The following OR13A1 variants were observed in gnomAD, a reference collection of about 807,000 sequenced individuals.
The protein encoded by OR13A1 is olfactory receptor family 13 subfamily A member 1, also known as olfactory receptor 13A1.
Under a neutral mutation model 7.5 loss-of-function variants are expected in OR13A1, and 10 were observed. The ratio of observed to expected loss-of-function variants is 1.34; its 90% confidence interval spans 0.83 to 2.27. The LOEUF (loss-of-function observed/expected upper bound fraction) is 2.27. Among genes scored for constraint, OR13A1 ranks in the 30% most tolerant of loss-of-function variants. The pLI, the probability that OR13A1 is intolerant of heterozygous loss-of-function variation, is 0.00. For synonymous variants in OR13A1, 238 were observed against 177.9 expected, an observed-to-expected ratio of 1.34 and a Z score of -2.69; for missense variants, 509 against 419.1, an observed-to-expected ratio of 1.21 and a Z score of -1.87.
intron 1 of OR13A1, among the ~76,000 whole-genome samples, chr10:45,312,844 G>T (rs939354416): frequency 1.3e-5 from 2 of 152,128 alleles, no homozygotes; most frequent in East Asian, 3.9e-4. Flanking sequence ...AAACATAAAG[G>T]AAAAATCAGC....
intron 3 of OR13A1, among the ~76,000 whole-genome samples, chr10:45,306,221 G>T (rs1384254010): frequency 6.6e-6 from 1 of 152,164 alleles, no homozygotes; most frequent in African/African-American, 2.4e-5. Flanking sequence ...TTGGGAGGCC[G>T]TGGAGGGTGG....
intron 1 of OR13A1, among the ~76,000 whole-genome samples, chr10:45,309,773 A>G (rs1408739018): frequency 6.6e-6 from 1 of 152,190 alleles, no homozygotes; most frequent in East Asian, 1.9e-4. Flanking sequence ...CTAAATATCG[A>G]TGGGTTTACT....
At chr10:45,307,322 A>G (rs569157927) in intron 3 of OR13A1, 104 bp downstream of exon 3, 8 of 152,212 alleles carry the variant, frequency 5.3e-5, no homozygotes, top group Non-Finnish European at 7.3e-5. Flanking sequence ...TAGAAAAACA[A>G]TAGCTCTGCA....
chr10:45,310,951 CA>C (rs1263184953), intron 1 of OR13A1, among the ~76,000 whole-genome samples: 1 of 152,116 alleles, frequency 6.6e-6, no homozygotes, highest in African/African-American at 2.4e-5. Flanking sequence ...TGCAGAACCC[CA>C]AAAGTTCCCA....
downstream of OR13A1, chr10:45,302,484 G>A (rs1838225541): frequency 6.6e-6 from 1 of 152,188 alleles, no homozygotes; most frequent in Non-Finnish European, 1.5e-5. Flanking sequence ...GAGAATACTG[G>A]ATGAAGAACC....
In OR13A1 at chr10:45,303,568, G is replaced by T. The variant is rs189836358; in HGVS notation, c.855C>A (p.Ser285Arg). 1 of 1,613,996 alleles carries T rather than the reference G, an allele frequency of 6.2e-7. No homozygotes were observed. Among genetic ancestry groups the T allele is most frequent in the Non-Finnish European group, 8.5e-7 (1 of 1,180,046 alleles). Reference protein sequence around the residue: ...YAYISPVSGYSAGKSKLAGLL... With the variant: ...YAYISPVSGYRAGKSKLAGLL... ...GGCCAGCCAACTTGCTCTTCCCTGC[G>T]CTGTAGCCAGAGACCGGGCTTATGT... Residue 285 changes from serine (S) to arginine (R), a missense_variant, in exon 4 of 4, where the codon AGC becomes AGA. Transcript: ENST00000553795.
chr10:45,312,854 CCTTTCCAGGATGAACAAAAA>C (rs1213403232), intron 1 of OR13A1, among the ~76,000 whole-genome samples: 2 of 152,042 alleles, frequency 1.3e-5, no homozygotes, highest in African/African-American at 4.8e-5. Flanking sequence ...GAAAAATCAG[CCTTTCCAGGATGAACAAAAA>C]CTGGGGAGTT....
At chr10:45,310,729 C>T (rs1040668773) in intron 1 of OR13A1, among the ~76,000 whole-genome samples, 1 of 151,754 alleles carries the variant, frequency 6.6e-6, no homozygotes, top group African/African-American at 2.4e-5. Context: ...ATATGTTACT[C>T]CCGAGAACTG....
rs190429165 is a variant in OR13A1 at position 45,305,212 on chromosome 10, C to T, written c.-12-778G>A. On this transcript the variant is annotated intron_variant, in intron 3 of 3. Transcript: ENST00000553795. The stretch of plus-strand genomic sequence containing the variant: ...CCACGATGCTGCACTCTAGCCTGGG[C>T]GACAGAGTGAGACTGTCTCAAAAAA... Among the ~76,000 whole-genome samples the T allele has an allele frequency of 2.3e-3, 344 of 149,598 alleles. 6 individuals are homozygous for T. Among genetic ancestry groups the T allele is most frequent in the Admixed American group, 0.017 (262 of 15,006 alleles).
downstream of OR13A1, chr10:45,302,303 T>C (rs1337367156): frequency 2.0e-5 from 3 of 152,232 alleles, no homozygotes; most frequent in Non-Finnish European, 1.5e-5. Context: ...GTGCTGGTTT[T>C]CAAAGCCATG....
Position 45,304,427 on chromosome 10 carries a change from T to C in OR13A1, c.-5A>G, listed in dbSNP as rs761863700. On this transcript the variant is annotated 5_prime_UTR_variant, in exon 4 of 4. Transcript: ENST00000553795. Reference sequence around the variant, plus strand: ...ACTCTCCATCCACAGCTTCATGTGATTTCAGAGCTAGAGAGATAAACAAGA... The same window carrying C: ...ACTCTCCATCCACAGCTTCATGTGACTTCAGAGCTAGAGAGATAAACAAGA... The C allele has an allele frequency of 1.2e-6, 2 of 1,609,308 alleles. No homozygotes were observed. Among genetic ancestry groups the C allele is most frequent in the Non-Finnish European group, 1.7e-6 (2 of 1,177,872 alleles).
At chr10:45,313,551 A>C (rs1398344266) in intron 1 of OR13A1, among the ~76,000 whole-genome samples, 2 of 152,024 alleles carry the variant, frequency 1.3e-5, no homozygotes, top group East Asian at 1.9e-4. Context: ...AGAAACAAAT[A>C]TGCTTAAAAT....
intron 1 of OR13A1, among the ~76,000 whole-genome samples, chr10:45,314,086 A>C (rs1222154998): frequency 6.6e-6 from 1 of 152,216 alleles, no homozygotes; most frequent in East Asian, 1.9e-4. Flanking sequence ...ACATAAAACT[A>C]GACATCAGTA....
Position 45,303,794 on chromosome 10 carries a change from G to A in OR13A1, c.629C>T (p.Thr210Ile). 2 of 1,613,884 alleles carry A rather than the reference G, an allele frequency of 1.2e-6. No homozygotes were observed. Among genetic ancestry groups the A allele is most frequent in the Non-Finnish European group, 1.7e-6 (2 of 1,180,046 alleles). ...GACAATCATGACACCGTTGACGTAG[G>A]TGGAGCTGCAGGAGAGAAGCAGCAG... ...PPLLLLSCSS[T>I]YVNGVMIVLA... Residue 210 changes from threonine (T) to isoleucine (I), a missense_variant, in exon 4 of 4, where the codon ACC becomes ATC. Coordinates refer to ENST00000553795, the MANE Select transcript of OR13A1 (RefSeq NM_001004297.3).
chr10:45,306,271 G>A (rs1235602936), intron 3 of OR13A1, among the ~76,000 whole-genome samples: 4 of 152,062 alleles, frequency 2.6e-5, no homozygotes, highest in South Asian at 2.1e-4. Context: ...TGGCTAACAC[G>A]GTGAAACCCC....
Position 45,303,873 on chromosome 10 carries a change from A to C in OR13A1, c.550T>G (p.Leu184Val), listed in dbSNP as rs767936751. 1.2e-6 allele frequency: 2 copies of C among 1,613,108 alleles called. No individual in the cohort carries two copies. The highest frequency in any genetic ancestry group is 1.6e-4 in the Middle Eastern group (1 of 6,062). Residue 184 changes from leucine to valine, a missense_variant, in exon 4 of 4, where the codon TTG (leucine) becomes GTG (valine). Leu to Val is a conservative substitution (Grantham distance 32, BLOSUM62 1). Transcript: ENST00000553795. Reference protein sequence around the residue: ...TAIHTGLMLRLDFCGPNVIIH... With the variant: ...TAIHTGLMLRVDFCGPNVIIH... The stretch of plus-strand genomic sequence containing the variant: ...ATGACATTGGGGCCACAGAAATCCA[A>C]GCGCAGCATCAGCCCCGTGTGGATG...
Position 45,304,074 on chromosome 10 carries a change from C to G in OR13A1, c.349G>C (p.Ala117Pro), listed in dbSNP as rs1407720918. The G allele has an allele frequency of 3.1e-6, 5 of 1,613,804 alleles. No homozygotes were observed. The highest frequency in any genetic ancestry group is 4.2e-6 in the Non-Finnish European group (5 of 1,179,824). Residue 117 changes from alanine to proline, a missense_variant, in exon 4 of 4, where the codon GCC (alanine) becomes CCC (proline). By Grantham distance (27) the Ala-to-Pro change is conservative. Transcript: ENST00000553795. ...GCCCACGTGAGGAAATAGAGCTGGG[C>G]CATGCAGCCCCCGTAGGAGATGGAG... ...ESSISYGGCM[A>P]QLYFLTWAAS...
chr10:45,313,248 A>G (rs543287667), intron 1 of OR13A1, among the ~76,000 whole-genome samples: 31 of 152,202 alleles, frequency 2.0e-4, no homozygotes, highest in African/African-American at 7.5e-4. Context: ...GATGTTTTTT[A>G]TAATTCTTAT....
Position 45,304,092 on chromosome 10 carries a change from A to G in OR13A1, c.331T>C (p.Ser111Pro), listed in dbSNP as rs767044993. The G allele has an allele frequency of 1.9e-6, 3 of 1,614,100 alleles. No homozygotes were observed. The Admixed American group carries it at 5.0e-5, about 27-fold the overall frequency. The stretch of plus-strand genomic sequence containing the variant: ...AGCTGGGCCATGCAGCCCCCGTAGG[A>G]GATGGAGCTCTCTTCCGACACCAGA... Reference protein sequence around the residue: ...ASLVSEESSISYGGCMAQLYF... With the variant: ...ASLVSEESSIPYGGCMAQLYF... The change falls in exon 4 of 4, where the codon TCC becomes CCC. Residue 111 changes from serine to proline, a missense_variant. Ser to Pro is a moderately conservative substitution (Grantham distance 74). Transcript: ENST00000553795.
Sources: gnomAD v4.1 joint callset for allele counts (sites outside exome capture counted in the v4.1 genomes callset) on GRCh38, gnomAD v4.1.1 for gene constraint, MANE v1.5 for transcripts, NCBI Gene and HGNC (gene_info 2026-07-23, HGNC 2026-07-21) for gene names.